DIAPH2: variants seen among roughly 807,000 people sequenced by gnomAD.
DIAPH2 encodes protein diaphanous homolog 2.
DIAPH2 carries 35 observed loss-of-function variants against 92.7 expected under a neutral mutation model. That is an observed-to-expected ratio of 0.38 (90% CI 0.29 to 0.50). The LOEUF (loss-of-function observed/expected upper bound fraction) is 0.50. DIAPH2 is among the 20% of genes least tolerant of loss of function. DIAPH2 has a pLI of 0.94. For synonymous variants in DIAPH2, 301 were observed against 280.4 expected, an observed-to-expected ratio of 1.07 and a Z score of -0.73; for missense variants, 701 against 819.5, an observed-to-expected ratio of 0.86 and a Z score of 1.77.
At chrX:96,802,372 G>A (rs2064589259) in intron 4 of DIAPH2, among the ~76,000 whole-genome samples, 1 of 112,121 alleles carries the variant, frequency 8.9e-6, no homozygotes, top group Non-Finnish European at 1.9e-5. Flanking sequence ...AACTTTATTT[G>A]TAAAAATAGG....
intron 21 of DIAPH2, among the ~76,000 whole-genome samples, chrX:97,132,326 G>T (rs763146824): frequency 8.9e-6 from 1 of 111,825 alleles, no homozygotes; most frequent in South Asian, 3.7e-4. Context: ...GGCTGAATTA[G>T]TGTCAGCCCT....
At chrX:97,515,386 A>G (rs765241029) in intron 26 of DIAPH2, among the ~76,000 whole-genome samples, 10 of 112,133 alleles carry the variant, frequency 8.9e-5, no homozygotes, top group African/African-American at 2.6e-4. Flanking sequence ...CGGTGCGCGC[A>G]CCCACTGTCC....
chrX:96,931,737 A>G (rs1158087534), intron 10 of DIAPH2, among the ~76,000 whole-genome samples: 1 of 111,596 alleles, frequency 9.0e-6, no homozygotes, highest in Admixed American at 9.5e-5. Context: ...ATCAATATGT[A>G]GCATAAATTT....
chrX:96,948,906 T>C, intron 14 of DIAPH2, 29 bp from the exon 15 acceptor site: 1 of 991,039 alleles, frequency 1.0e-6, no homozygotes. Context: ...ACTATATTAT[T>C]AACTGTACAT....
At chrX:96,983,049 T>A (rs1267355124) in intron 17 of DIAPH2, among the ~76,000 whole-genome samples, 1 of 108,545 alleles carries the variant, frequency 9.2e-6, no homozygotes, top group Admixed American at 9.8e-5. Flanking sequence ...GCGGGTTCAC[T>A]TATATTCTAT....
At chrX:96,923,190 G>A (rs1192110114) in intron 9 of DIAPH2, among the ~76,000 whole-genome samples, 3 of 112,242 alleles carry the variant, frequency 2.7e-5, no homozygotes, top group African/African-American at 9.7e-5. Flanking sequence ...CTGTTAGTTT[G>A]AAAGGTGCCA....
chrX:96,902,438 A>G (rs769711235), intron 5 of DIAPH2, among the ~76,000 whole-genome samples: 2 of 111,337 alleles, frequency 1.8e-5, no homozygotes, highest in Non-Finnish European at 3.8e-5. Flanking sequence ...GTCTAGTAGT[A>G]ATTGTTTTAT....
At chrX:96,713,476 A>C (rs146033776) in intron 1 of DIAPH2, among the ~76,000 whole-genome samples, 2 of 111,661 alleles carry the variant, frequency 1.8e-5, no homozygotes, top group Non-Finnish European at 3.8e-5. Flanking sequence ...TGTTGCAGTC[A>C]AGGAACTTAT....
intron 19 of DIAPH2, among the ~76,000 whole-genome samples, chrX:97,098,049 C>T (rs1489020066): frequency 9.0e-6 from 1 of 110,810 alleles, no homozygotes; most frequent in Non-Finnish European, 1.9e-5. Flanking sequence ...ATTGCAGGCC[C>T]AGAGTTTAAT....
chrX:96,873,687 AATAT>A (rs2065159841), intron 4 of DIAPH2, among the ~76,000 whole-genome samples: 1 of 109,375 alleles, frequency 9.1e-6, no homozygotes, highest in Non-Finnish European at 1.9e-5. Flanking sequence ...CACATATAAA[AATAT>A]ATATACACAT....
chrX:97,589,861 A>G (rs1309799801), intron 26 of DIAPH2, among the ~76,000 whole-genome samples: 1 of 112,463 alleles, frequency 8.9e-6, no homozygotes, highest in Non-Finnish European at 1.9e-5. Context: ...ACTTGTGCCA[A>G]TTATGAATAT....
intron 26 of DIAPH2, among the ~76,000 whole-genome samples, chrX:97,526,084 GAGA>G (rs2071022296): frequency 9.0e-6 from 1 of 110,785 alleles, no homozygotes; most frequent in Non-Finnish European, 1.9e-5. Flanking sequence ...TGACTATCCA[GAGA>G]AGTTCATCAT....
chrX:97,383,233 A>G (rs1429446189), intron 24 of DIAPH2, among the ~76,000 whole-genome samples: 1 of 111,669 alleles, frequency 9.0e-6, no homozygotes, highest in African/African-American at 3.3e-5. Flanking sequence ...ATTTGAAGGT[A>G]TTTCTTTTCT....
At chrX:97,449,552 A>T (rs1429709258) in intron 26 of DIAPH2, 1 of 263,788 alleles carries the variant, frequency 3.8e-6, no homozygotes, top group African/African-American at 3.0e-5. Flanking sequence ...ATATTTTGTG[A>T]AACTACCGAT....
At chrX:96,716,845 A>G (rs1250555065) in intron 1 of DIAPH2, among the ~76,000 whole-genome samples, 1 of 111,148 alleles carries the variant, frequency 9.0e-6, no homozygotes, top group African/African-American at 3.3e-5. Flanking sequence ...ATTTTGACCC[A>G]TTATTTCTTT....
chrX:96,794,952 T>A (rs2064527809), intron 4 of DIAPH2, among the ~76,000 whole-genome samples: 1 of 112,173 alleles, frequency 8.9e-6, no homozygotes, highest in Admixed American at 9.4e-5. Flanking sequence ...CATCTTCTGC[T>A]TTTCCTAGTG....
Position 97,346,806 on chromosome X carries a change from G to A in DIAPH2, c.2845-1310G>A, listed in dbSNP as rs1486475701. 2.7e-5 allele frequency among the ~76,000 whole-genome samples: 3 copies of A among 111,075 alleles called. No individual in the cohort carries two copies. In the East Asian group the frequency reaches 8.5e-4, roughly 31 times the overall value. ...AGATAAGGACATTCTTTTCCTTCAG[G>A]TATAGGAGGAGCAGCTCTGAAATGA... is the stretch of plus-strand genomic sequence containing the variant. On this transcript the variant is annotated intron_variant, in intron 23 of 26. Coordinates refer to ENST00000324765, the MANE Select transcript of DIAPH2 (RefSeq NM_006729.5).
chrX:96,946,730 T>C (rs1180747576), intron 14 of DIAPH2, among the ~76,000 whole-genome samples: 1 of 111,821 alleles, frequency 8.9e-6, no homozygotes, highest in African/African-American at 3.2e-5. Context: ...CCTTAAGTTT[T>C]GGCTGGCACT....
At chrX:97,435,704 C>T (rs1183472176) in intron 26 of DIAPH2, among the ~76,000 whole-genome samples, 2 of 111,177 alleles carry the variant, frequency 1.8e-5, no homozygotes, top group Non-Finnish European at 3.8e-5. Context: ...AAAGAATTGC[C>T]CTGGCTGTGT....
Sources: gnomAD v4.1 joint callset for allele counts (sites outside exome capture counted in the v4.1 genomes callset) on GRCh38, gnomAD v4.1.1 for gene constraint, MANE v1.5 for transcripts, NCBI Gene and HGNC (gene_info 2026-07-23, HGNC 2026-07-21) for gene names.